CDC42BPA: variants seen among roughly 807,000 people sequenced by gnomAD.
CDC42BPA encodes the protein CDC42 binding protein kinase alpha, also known as serine/threonine-protein kinase MRCK alpha.
A neutral mutation model predicts 223.5 loss-of-function variants in CDC42BPA; 80 were observed. The ratio of observed to expected loss-of-function variants is 0.36; its 90% CI spans 0.30 to 0.43. CDC42BPA has a LOEUF of 0.43. CDC42BPA is among the 20% of genes least tolerant of loss of function. The probability of loss-of-function intolerance (pLI) is 1.00; values close to 1 mark genes in which losing one functional copy is unlikely to be tolerated. For missense variants in CDC42BPA, 1,743 were observed against 2,099.9 expected (o/e 0.83, Z 3.32); for synonymous variants, 694 against 718.6 (o/e 0.97, Z 0.55).
chr1:227,082,155 G>C (rs1214311588), intron 16 of CDC42BPA, among the ~76,000 whole-genome samples: 2 of 151,976 alleles, frequency 1.3e-5, no homozygotes, highest in Non-Finnish European at 2.9e-5. Context: ...AGCCTCCCTA[G>C]TAGCTGGGAT....
At chr1:227,190,968 G>T (rs1014157459) in intron 5 of CDC42BPA, among the ~76,000 whole-genome samples, 10 of 152,064 alleles carry the variant, frequency 6.6e-5, no homozygotes, top group Non-Finnish European at 1.5e-4. Flanking sequence ...ACCTAAAGAA[G>T]ACTTCAGAAA....
At chr1:227,276,373 C>CCCCT (rs1687035072) in intron 1 of CDC42BPA, among the ~76,000 whole-genome samples, 1 of 148,902 alleles carries the variant, frequency 6.7e-6, no homozygotes, top group Non-Finnish European at 1.5e-5. Context: ...AAGTGAGGAG[C>CCCCT]CCCTCCGCCC....
At chr1:227,253,722 G>T (rs1682569732) in intron 2 of CDC42BPA, among the ~76,000 whole-genome samples, 1 of 152,074 alleles carries the variant, frequency 6.6e-6, no homozygotes, top group South Asian at 2.1e-4. Flanking sequence ...AAGGAAGTCA[G>T]AGTATATACA....
Position 227,297,967 on chromosome 1 carries a change from T to TATATACACACACACACAC in CDC42BPA, c.178+19037_178+19038insGTGTGTGTGTGTGTATAT, listed in dbSNP as rs369403944. Reference sequence around the variant, plus strand: ...GTGTGTGTGTGTGTATATATACATATACACACACACACACATATATACATA... The same window carrying TATATACACACACACACAC: ...GTGTGTGTGTGTGTATATATACATATATATACACACACACACACACACACACACACACATATATACATA... On this transcript the variant is annotated intron_variant, in intron 1 of 36. Transcript: ENST00000366766. Among the ~76,000 whole-genome samples, 357 of 132,062 alleles carry TATATACACACACACACAC rather than the reference T, an allele frequency of 2.7e-3. 1 individual carries two copies. The highest frequency in any genetic ancestry group is 0.01 in the African/African-American group (342 of 34,198). The allele number at this position is 132,062 out of a possible 152,430, so 86.6% of individuals were successfully genotyped here.
At chr1:227,162,515 T>G (rs1664102368) in intron 5 of CDC42BPA, among the ~76,000 whole-genome samples, 1 of 152,190 alleles carries the variant, frequency 6.6e-6, no homozygotes, top group African/African-American at 2.4e-5. Context: ...TGCAACTTGG[T>G]TTATTCAAAT....
intron 2 of CDC42BPA, among the ~76,000 whole-genome samples, chr1:227,224,795 T>C (rs1459806728): frequency 6.6e-6 from 1 of 152,206 alleles, no homozygotes; most frequent in Admixed American, 6.5e-5. Context: ...CTTCTAGAAA[T>C]TTATTCTTAG....
intron 21 of CDC42BPA, chr1:227,068,369 A>AT (rs1677544747): frequency 6.5e-6 from 1 of 152,764 alleles, no homozygotes; most frequent in African/African-American, 2.4e-5. Flanking sequence ...TATATATATA[A>AT]AAAATAATTA....
chr1:227,018,191 C>A (rs975893999), intron 32 of CDC42BPA, among the ~76,000 whole-genome samples: 6 of 151,950 alleles, frequency 3.9e-5, no homozygotes, highest in African/African-American at 9.7e-5. Context: ...GGATTACAGG[C>A]ACATGCGCCA....
At chr1:227,282,111 C>T (rs1688102545) in intron 1 of CDC42BPA, among the ~76,000 whole-genome samples, 1 of 151,264 alleles carries the variant, frequency 6.6e-6, no homozygotes, top group African/African-American at 2.4e-5. Context: ...TCACTTGAAC[C>T]CGGGAGGCAG....
intron 35 of CDC42BPA, among the ~76,000 whole-genome samples, chr1:227,001,304 G>A (rs1374078180): frequency 1.3e-5 from 2 of 152,158 alleles, no homozygotes; most frequent in Non-Finnish European, 2.9e-5. Flanking sequence ...TGGCATTCCC[G>A]AGAGGGTCTT....
chr1:227,167,313 G>GT (rs1014699564), intron 5 of CDC42BPA, among the ~76,000 whole-genome samples: 21 of 151,238 alleles, frequency 1.4e-4, no homozygotes, highest in Admixed American at 1.1e-3. Flanking sequence ...TTGTCCAAAA[G>GT]TTTTTTTTTG....
chr1:227,280,350 T>C (rs2148562083), intron 1 of CDC42BPA, among the ~76,000 whole-genome samples: 1 of 152,062 alleles, frequency 6.6e-6, no homozygotes, highest in Admixed American at 6.5e-5. Context: ...AAACAGTCCC[T>C]TTTGTTTTAC....
At chr1:227,269,787 A>G (rs1685663892) in intron 1 of CDC42BPA, among the ~76,000 whole-genome samples, 2 of 152,148 alleles carry the variant, frequency 1.3e-5, no homozygotes, top group Admixed American at 1.3e-4. Flanking sequence ...TGTAACAAGT[A>G]TCAATTACTG....
intron 27 of CDC42BPA, among the ~76,000 whole-genome samples, chr1:227,032,923 CACT>C (rs1437741911): frequency 6.6e-6 from 1 of 152,228 alleles, no homozygotes; most frequent in Admixed American, 6.5e-5. Flanking sequence ...AATAGTAAAT[CACT>C]GTTGGTTTAA....
At position 226,993,936 on chromosome 1, in the gene CDC42BPA, A is replaced by G. The variant is rs1319080236; in HGVS notation, c.*332T>C. 2 of 205,476 alleles carry G rather than the reference A, an allele frequency of 9.7e-6. No homozygotes were observed. The highest frequency in any genetic ancestry group is 2.0e-5 in the Non-Finnish European group (2 of 99,430). The allele number at this position is 205,476 out of a possible 1,614,324, so 12.7% of individuals were successfully genotyped here. A position where few individuals can be genotyped will look rare whatever the true frequency, so the allele number is the denominator to read the frequency against. ...TCTACTGTGAAAGCAAAATCTGTCT[A>G]ATCTTATTCTTATCACTTACATTTG... On this transcript the variant is annotated 3_prime_UTR_variant, in exon 37 of 37. Transcript: ENST00000366766.
chr1:227,176,072 C>T (rs1666912225), intron 5 of CDC42BPA, among the ~76,000 whole-genome samples: 2 of 152,112 alleles, frequency 1.3e-5, no homozygotes, highest in Admixed American at 1.3e-4. Context: ...TGAGCCTCAG[C>T]TCCTTGAGTA....
intron 5 of CDC42BPA, among the ~76,000 whole-genome samples, chr1:227,168,777 G>A (rs1292199890): frequency 3.3e-5 from 5 of 152,024 alleles, no homozygotes; most frequent in African/African-American, 4.8e-5. Context: ...GATTACAGGC[G>A]TGAGCCACTG....
At chr1:227,256,289 G>C (rs1232906264) in intron 1 of CDC42BPA, among the ~76,000 whole-genome samples, 1 of 152,112 alleles carries the variant, frequency 6.6e-6, no homozygotes, top group Non-Finnish European at 1.5e-5. Context: ...CATGGACACA[G>C]GGAGGGGCAC....
chr1:227,023,413 C>A (rs1164654338), intron 31 of CDC42BPA, 66 bp from the exon 32 acceptor site: 7 of 831,100 alleles, frequency 8.4e-6, no homozygotes, highest in African/African-American at 1.7e-5. Flanking sequence ...AAACTTTTGT[C>A]CTGCTTATAA....
Sources: gnomAD v4.1 joint callset for allele counts (sites outside exome capture counted in the v4.1 genomes callset) on GRCh38, gnomAD v4.1.1 for gene constraint, MANE v1.5 for transcripts, NCBI Gene and HGNC (gene_info 2026-07-23, HGNC 2026-07-21) for gene names.